PTPRD: variants seen among roughly 807,000 people sequenced by gnomAD.
PTPRD encodes protein tyrosine phosphatase receptor type D.
In PTPRD, 34 loss-of-function variants were observed where a neutral mutation model predicts 214.5. The ratio of observed to expected loss-of-function variants is 0.16; its 90% CI spans 0.12 to 0.21. PTPRD has a LOEUF of 0.21. Ranked by LOEUF, PTPRD falls within the 10% of genes least tolerant of loss-of-function variation. The pLI, the probability that PTPRD is intolerant of heterozygous loss-of-function variation, is 1.00. For synonymous variants in PTPRD, 1,128 were observed against 845.7 expected, an observed-to-expected ratio of 1.33 and a Z score of -5.79; for missense variants, 2,545 against 2,398.7, an observed-to-expected ratio of 1.06 and a Z score of -1.27.
intron 11 of PTPRD, among the ~76,000 whole-genome samples, chr9:8,828,429 C>G (rs923592023): frequency 6.6e-6 from 1 of 152,150 alleles, no homozygotes; most frequent in Admixed American, 6.5e-5. Context: ...TGTCTGTGAA[C>G]CAGGAAAAAG....
intron 5 of PTPRD, among the ~76,000 whole-genome samples, chr9:9,893,071 G>A (rs10978066): frequency 0.24 from 37,100 of 151,892 alleles, 5,049 homozygotes; most frequent in African/African-American, 0.36. Context: ...GTAAGAGTAT[G>A]AAGTTCAGGA....
intron 9 of PTPRD, among the ~76,000 whole-genome samples, chr9:9,239,204 A>T (rs2099969019): frequency 6.6e-6 from 1 of 152,110 alleles, no homozygotes; most frequent in South Asian, 2.1e-4. Context: ...GTCTGAAAAA[A>T]AAAAAAACCA....
chr9:9,213,539 T>TG (rs1554992711), intron 9 of PTPRD, among the ~76,000 whole-genome samples: 29 of 152,126 alleles, frequency 1.9e-4, no homozygotes, highest in Non-Finnish European at 2.6e-4. Context: ...TTTGTTTGTT[T>TG]TGATAATAGG....
intron 10 of PTPRD, among the ~76,000 whole-genome samples, chr9:9,088,022 C>T (rs530807950): frequency 6.7e-6 from 1 of 149,722 alleles, no homozygotes; most frequent in African/African-American, 2.5e-5. Context: ...GCTGGAATTA[C>T]AAGCGTGCAC....
At chr9:8,603,547 C>T (rs2095004319) in intron 14 of PTPRD, among the ~76,000 whole-genome samples, 1 of 152,044 alleles carries the variant, frequency 6.6e-6, no homozygotes, top group Admixed American at 6.6e-5. Flanking sequence ...CCTTAGCACC[C>T]CAAGCACCAT....
intron 5 of PTPRD, among the ~76,000 whole-genome samples, chr9:9,833,235 A>G (rs879589623): frequency 6.6e-6 from 1 of 152,072 alleles, no homozygotes; most frequent in Non-Finnish European, 1.5e-5. Flanking sequence ...GGCTTGAGAA[A>G]TAAAAGGACA....
intron 4 of PTPRD, among the ~76,000 whole-genome samples, chr9:10,009,205 T>C (rs925167735): frequency 4.6e-5 from 7 of 152,092 alleles, no homozygotes; most frequent in Middle Eastern, 3.4e-3. Flanking sequence ...TTGTCAACAA[T>C]AAAGAGTCAA....
chr9:9,932,190 G>T (rs555339070), intron 5 of PTPRD, among the ~76,000 whole-genome samples: 1 of 150,840 alleles, frequency 6.6e-6, no homozygotes, highest in South Asian at 2.1e-4. Flanking sequence ...CCAAAGGAAC[G>T]CAGTTCCTCA....
At chr9:10,256,525 C>T (rs887682972) in intron 3 of PTPRD, among the ~76,000 whole-genome samples, 1 of 152,008 alleles carries the variant, frequency 6.6e-6, no homozygotes, top group African/African-American at 2.4e-5. Context: ...TGGTCCATCA[C>T]TGAGTGAAAC....
At chr9:9,980,153 T>C (rs1420105763) in intron 4 of PTPRD, among the ~76,000 whole-genome samples, 3 of 152,114 alleles carry the variant, frequency 2.0e-5, no homozygotes, top group Non-Finnish European at 4.4e-5. Flanking sequence ...CAACAAAATT[T>C]AACAGATATG....
rs77479832 is a variant in PTPRD, at chr9:9,580,946, T to C, written c.-286-6165A>G. 3.1e-3 allele frequency among the ~76,000 whole-genome samples: 478 copies of C among 152,196 alleles called. 4 individuals carry two copies. Among genetic ancestry groups the C allele is most frequent in the African/African-American group, 0.011 (460 of 41,560 alleles). ...TAAACAGTCCCTGTCAGTTGTGTTG[T>C]TGTCAAATATTATCTTCCATTCTGT... On this transcript the variant is annotated intron_variant, in intron 7 of 45. Transcript: ENST00000381196.
chr9:9,411,656 T>G (rs2075477921), intron 8 of PTPRD, among the ~76,000 whole-genome samples: 1 of 152,154 alleles, frequency 6.6e-6, no homozygotes, highest in Non-Finnish European at 1.5e-5. Context: ...GTCTGACACC[T>G]GAAAAAAGGA....
chr9:9,834,649 T>C (rs961227664), intron 5 of PTPRD, among the ~76,000 whole-genome samples: 1 of 152,046 alleles, frequency 6.6e-6, no homozygotes, highest in African/African-American at 2.4e-5. Context: ...TCTGGGGTCA[T>C]TTCTTATTCA....
chr9:9,347,698 C>A (rs1277448549), intron 9 of PTPRD, among the ~76,000 whole-genome samples: 1 of 152,090 alleles, frequency 6.6e-6, no homozygotes, highest in Non-Finnish European at 1.5e-5. Flanking sequence ...GATTTTGATT[C>A]ATGGTACATC....
intron 9 of PTPRD, among the ~76,000 whole-genome samples, chr9:9,194,869 C>A (rs1036968199): frequency 6.6e-6 from 1 of 151,850 alleles, no homozygotes; most frequent in African/African-American, 2.4e-5. Context: ...AGTATGGATT[C>A]TATAGCTTAT....
At chr9:9,948,923 T>C (rs1291309303) in intron 4 of PTPRD, among the ~76,000 whole-genome samples, 3 of 152,044 alleles carry the variant, frequency 2.0e-5, no homozygotes, top group Non-Finnish European at 4.4e-5. Flanking sequence ...AATAAAGCAG[T>C]AGCATTATCT....
At chr9:8,643,580 G>C (rs2154337253) in intron 12 of PTPRD, among the ~76,000 whole-genome samples, 1 of 152,276 alleles carries the variant, frequency 6.6e-6, no homozygotes, top group African/African-American at 2.4e-5. Flanking sequence ...GGGGAATAGG[G>C]GACCCACCAC....
intron 7 of PTPRD, among the ~76,000 whole-genome samples, chr9:9,605,694 G>C (rs1197072773): frequency 6.6e-6 from 1 of 151,994 alleles, no homozygotes; most frequent in African/African-American, 2.4e-5. Context: ...GAACAATTAG[G>C]AAGTGAGGCC....
At chr9:10,009,950 T>A (rs952643047) in intron 4 of PTPRD, among the ~76,000 whole-genome samples, 1 of 151,882 alleles carries the variant, frequency 6.6e-6, no homozygotes, top group Non-Finnish European at 1.5e-5. Context: ...GAGAGTATAA[T>A]GAAGCATATC....
Sources: gnomAD v4.1 joint callset for allele counts (sites outside exome capture counted in the v4.1 genomes callset) on GRCh38, gnomAD v4.1.1 for gene constraint, MANE v1.5 for transcripts, NCBI Gene and HGNC (gene_info 2026-07-23, HGNC 2026-07-21) for gene names.